Variants in C1orf35 observed in about 807,000 individuals in gnomAD.
C1orf35 encodes the protein chromosome 1 open reading frame 35, also known as multiple myeloma tumor-associated protein 2.
C1orf35 carries 36 observed loss-of-function variants against 30.9 expected under a neutral mutation model. The observed-to-expected ratio is 1.16, with a 90% CI of 0.89 to 1.54. The LOEUF (loss-of-function observed/expected upper bound fraction) is 1.54. Ranked by LOEUF, C1orf35 falls within the 40% of genes most tolerant of loss-of-function variation. C1orf35 has a pLI of 0.00. For synonymous variants in C1orf35, 179 were observed against 148.2 expected (o/e 1.21, Z -1.51); for missense variants, 396 against 358.7 (o/e 1.10, Z -0.84).
chr1:228,100,989 G>T lies in C1orf35; in HGVS notation c.*142C>A. On this transcript the variant is annotated 3_prime_UTR_variant, in exon 8 of 8. Transcript: ENST00000272139. The stretch of plus-strand genomic sequence containing the variant: ...TCCAGAGCTAGCTGTCAAGTCTTTA[G>T]CCCCACAGGCTGGTGCCCAGAGCCA... 8.0e-7 allele frequency: 1 copy of T among 1,249,296 alleles called. No homozygotes were observed. The highest frequency in any genetic ancestry group is 1.1e-6 in the Non-Finnish European group (1 of 902,176). The allele number at this position is 1,249,296 out of a possible 1,614,324, so 77.4% of individuals were successfully genotyped here.
chr1:228,102,456 T>C (rs778607073), intron 4 of C1orf35, 22 bp downstream of exon 4: 5 of 1,565,706 alleles, frequency 3.2e-6, no homozygotes, highest in Non-Finnish European at 4.3e-6. Context: ...AGTGCTGCCC[T>C]CCCCTGGAAA....
At chr1:228,101,632 G>C (rs1571849395) in intron 6 of C1orf35, 159 bp from the exon 7 acceptor site, 54 of 1,476,536 alleles carry the variant, frequency 3.7e-5, no homozygotes, top group Non-Finnish European at 4.7e-5. Context: ...GTAGTCACGT[G>C]GCCAGTGGCT....
chr1:228,102,588 T>C, intron 3 of C1orf35, 28 bp from the exon 4 acceptor site: 1 of 1,574,658 alleles, frequency 6.4e-7, no homozygotes, highest in South Asian at 1.2e-5. Context: ...CAGGGAGCGC[T>C]CGAGTCGGCC....
At chr1:228,102,035 AC>A in intron 6 of C1orf35, 44 bp downstream of exon 6, 5 of 1,478,002 alleles carry the variant, frequency 3.4e-6, no homozygotes, top group South Asian at 2.6e-5. Flanking sequence ...TCCTCCCGAG[AC>A]CCCCCACCCC....
chr1:228,102,444 C>T, intron 4 of C1orf35, 34 bp downstream of exon 4: 2 of 1,572,882 alleles, frequency 1.3e-6, no homozygotes, highest in Non-Finnish European at 1.7e-6. Context: ...GCAATCGAGC[C>T]CAGTGCTGCC....
In C1orf35 at chr1:228,102,417, G is replaced by A. The variant is rs923204543; in HGVS notation, c.375-35C>T. 10 of 1,596,588 alleles carry A rather than the reference G, an allele frequency of 6.3e-6. No homozygotes were observed. The African/African-American group carries it at 1.2e-4, about 19-fold the overall frequency. ...CATGGCGATGAAGACAGTACGGCAG[G>A]GGTCCGCCTCACCCGAGCAATCGAG... On this transcript the variant is annotated intron_variant, in intron 4 of 7. Coordinates refer to ENST00000272139, the MANE Select transcript of C1orf35 (RefSeq NM_024319.4).
At chr1:228,101,547 T>A in intron 6 of C1orf35, 74 bp from the exon 7 acceptor site, 1 of 1,582,920 alleles carries the variant, frequency 6.3e-7, no homozygotes, top group African/African-American at 1.4e-5. Context: ...GCAGGCCCCA[T>A]CCAGATGAAG....
chr1:228,103,114 C>A lies in C1orf35; in HGVS notation c.94+20G>T, dbSNP rs771700515. The stretch of plus-strand genomic sequence containing the variant: ...ATCCCGGAGCCCGGAGCCCGGAGCC[C>A]GCCCACCGCGCGCACCCACCCAGGT... On this transcript the variant is annotated intron_variant, in intron 1 of 7. Coordinates refer to ENST00000272139, the MANE Select transcript of C1orf35 (RefSeq NM_024319.4). The A allele has an allele frequency of 6.2e-7, 1 of 1,609,616 alleles. No homozygotes were observed. The highest frequency in any genetic ancestry group is 8.5e-7 in the Non-Finnish European group (1 of 1,178,798).
At chr1:228,101,612 C>T (rs2032948370) in intron 6 of C1orf35, 139 bp from the exon 7 acceptor site, 9 of 1,504,116 alleles carry the variant, frequency 6.0e-6, no homozygotes, top group Admixed American at 4.3e-5. Context: ...AAATTCCACT[C>T]CTCAGTTACG....
rs1431508961 is a variant in C1orf35, at chr1:228,102,119, G to A, written c.494C>T (p.Ala165Val). 4.4e-6 allele frequency: 7 copies of A among 1,575,440 alleles called. No individual in the cohort carries two copies. Among genetic ancestry groups the A allele is most frequent in the Non-Finnish European group, 6.0e-6 (7 of 1,168,954 alleles). Residue 165 changes from alanine to valine, a missense_variant, in exon 6 of 8, where the codon GCC (alanine) becomes GTC (valine). Ala to Val is a moderately conservative substitution (Grantham distance 64). Coordinates refer to ENST00000272139, the MANE Select transcript of C1orf35 (RefSeq NM_024319.4). ...ATCCTCCGCCCGCGGCTTCCTCCTG[G>A]CCGAGGCTGCCGAGGTCCCGGGCCC... ...SGGPGTSAAS[A>V]RRKPRAEDQT...
In C1orf35 at chr1:228,102,394, T is replaced by C; in HGVS notation, c.375-12A>G. 2.5e-6 allele frequency: 4 copies of C among 1,609,134 alleles called. No individual in the cohort carries two copies. Among genetic ancestry groups the C allele is most frequent in the South Asian group, 2.2e-5 (2 of 90,816 alleles). On this transcript the variant is annotated splice_polypyrimidine_tract_variant and intron_variant, in intron 4 of 7. Coordinates refer to ENST00000272139, the MANE Select transcript of C1orf35 (RefSeq NM_024319.4). ...GGCCCACGGAGCCACTGCAGGGACA[T>C]GGCGATGAAGACAGTACGGCAGGGG...
intron 5 of C1orf35, 33 bp downstream of exon 5, chr1:228,102,277 C>A (rs1254403954): frequency 1.9e-6 from 3 of 1,605,616 alleles, no homozygotes; most frequent in Non-Finnish European, 2.5e-6. Flanking sequence ...CCCCTGTTAG[C>A]CCCTGCTGCG....
At chr1:228,102,801 G>GCGGCCCCCCCCCCCC in intron 2 of C1orf35, 98 bp downstream of exon 2, 67 of 1,374,034 alleles carry the variant, frequency 4.9e-5, no homozygotes, top group Non-Finnish European at 6.0e-5. Flanking sequence ...CCGCAGCCCC[G>GCGGCCCCCCCCCCCC]CTCCCGCCCA....
chr1:228,100,771 A>G lies in C1orf35; in HGVS notation c.*360T>C, dbSNP rs2032922062. 1 of 225,976 alleles carries G rather than the reference A, an allele frequency of 4.4e-6. No homozygotes were observed. The highest frequency in any genetic ancestry group is 2.3e-5 in the African/African-American group (1 of 44,144). 14.0% of individuals were successfully genotyped at this position (225,976 alleles called of 1,614,324 possible). On this transcript the variant is annotated 3_prime_UTR_variant, in exon 8 of 8. Coordinates refer to ENST00000272139, the MANE Select transcript of C1orf35 (RefSeq NM_024319.4). ...ATTTATTGAAATACAAAGAGTCAAT[A>G]TAAAGAAAAATAGAGGTCACCATAC...
intron 6 of C1orf35, 143 bp from the exon 7 acceptor site, chr1:228,101,616 A>G (rs924134271): frequency 1.3e-6 from 2 of 1,497,448 alleles, no homozygotes; most frequent in African/African-American, 1.4e-5. Flanking sequence ...TCCACTCCTC[A>G]GTTACGTAGT....
intron 6 of C1orf35, chr1:228,101,729 T>G (rs1038920203): frequency 8.5e-6 from 12 of 1,414,134 alleles, no homozygotes; most frequent in Non-Finnish European, 1.1e-5. Flanking sequence ...GTTGACACCT[T>G]CCTACCTGCA....
In C1orf35 at chr1:228,102,116, C is replaced by G. The variant is rs750783640; in HGVS notation, c.497G>C (p.Arg166Thr). 6.3e-7 allele frequency: 1 copy of G among 1,579,966 alleles called. No individual in the cohort carries two copies. Among genetic ancestry groups the G allele is most frequent in the East Asian group, 2.3e-5 (1 of 43,880 alleles). ...GGPGTSAASA[R>T]RKPRAEDQTE... is the part of the protein sequence containing the mutation. ...CTGATCCTCCGCCCGCGGCTTCCTC[C>G]TGGCCGAGGCTGCCGAGGTCCCGGG... Residue 166 changes from arginine (R) to threonine (T), a missense_variant, in exon 6 of 8, where the codon AGG becomes ACG. Coordinates refer to ENST00000272139, the MANE Select transcript of C1orf35 (RefSeq NM_024319.4).
intron 6 of C1orf35, 29 bp downstream of exon 6, chr1:228,102,051 C>A: frequency 1.3e-6 from 2 of 1,492,738 alleles, no homozygotes; most frequent in South Asian, 1.3e-5. Flanking sequence ...CACCCCGGGG[C>A]ACAGCTAGCC....
rs773802973 is a variant in C1orf35, at chr1:228,102,172, G to C, written c.448-7C>G. ...CGCTCTCTACGCGGTGATGCTGCGGGAGAAGCGAGCTCTGCGGAGGAGTCT... is the reference window on the plus strand; with the variant it reads ...CGCTCTCTACGCGGTGATGCTGCGGCAGAAGCGAGCTCTGCGGAGGAGTCT... On this transcript the variant is annotated splice_polypyrimidine_tract_variant and splice_region_variant and intron_variant, in intron 5 of 7. Transcript: ENST00000272139. The C allele has an allele frequency of 6.3e-7, 1 of 1,578,660 alleles. No homozygotes were observed. The highest frequency in any genetic ancestry group is 1.8e-5 in the Admixed American group (1 of 56,798).
Sources: allele counts gnomAD v4.1 joint callset, GRCh38; gene constraint gnomAD v4.1.1; transcripts MANE v1.5; gene names NCBI Gene and HGNC (gene_info 2026-07-23, HGNC 2026-07-21).